The following MAP4K4 variants were observed in gnomAD, a reference collection of about 807,000 sequenced individuals.
MAP4K4 encodes the protein mitogen-activated protein kinase kinase kinase kinase 4, also known as HPK/GCK-like kinase HGK.
MAP4K4 carries 38 observed loss-of-function variants against 189.6 expected under a neutral mutation model. The observed-to-expected ratio is 0.20, with a 90% confidence interval of 0.15 to 0.26. MAP4K4 has a LOEUF of 0.26. Among genes scored for constraint, MAP4K4 ranks in the 10% least tolerant of loss-of-function variants. The pLI, the probability that MAP4K4 is intolerant of heterozygous loss-of-function variation, is 1.00. For synonymous variants in MAP4K4, 610 were observed against 624.3 expected (o/e 0.98, Z 0.34); for missense variants, 1,054 against 1,726.9 (o/e 0.61, Z 6.91).
chr2:101,712,903 CTT>C (rs34317575), intron 2 of MAP4K4, among the ~76,000 whole-genome samples: 405 of 130,464 alleles, frequency 3.1e-3, no homozygotes, highest in Middle Eastern at 4.4e-3. Context: ...AAACCAAAAT[CTT>C]TTTTTTTTTT....
chr2:101,780,256 T>C (rs1326362940), intron 2 of MAP4K4, among the ~76,000 whole-genome samples: 2 of 152,334 alleles, frequency 1.3e-5, no homozygotes, highest in Admixed American at 6.5e-5. Context: ...TCTGAATCCC[T>C]TTCATCCCTT....
intron 3 of MAP4K4, among the ~76,000 whole-genome samples, chr2:101,819,303 A>T (rs566388404): frequency 6.8e-4 from 104 of 152,354 alleles, no homozygotes; most frequent in African/African-American, 2.4e-3. Context: ...GAAACTCAGA[A>T]GTTGATTCAT....
At chr2:101,735,721 G>T (rs1232992419) in intron 2 of MAP4K4, among the ~76,000 whole-genome samples, 3 of 152,172 alleles carry the variant, frequency 2.0e-5, no homozygotes. Context: ...TAGTAGGGTG[G>T]GTCCCATGGA....
intron 2 of MAP4K4, among the ~76,000 whole-genome samples, chr2:101,713,950 T>C (rs1305082900): frequency 6.6e-6 from 1 of 152,088 alleles, no homozygotes; most frequent in Non-Finnish European, 1.5e-5. Flanking sequence ...AACAAATACC[T>C]AGGGGGTTTT....
chr2:101,810,870 A>G (rs2095376905), intron 3 of MAP4K4, among the ~76,000 whole-genome samples: 1 of 152,152 alleles, frequency 6.6e-6, no homozygotes, highest in South Asian at 2.1e-4. Context: ...TTTTTGTCCA[A>G]GGCTTACTAT....
At chr2:101,769,657 C>T (rs1468679851) in intron 2 of MAP4K4, among the ~76,000 whole-genome samples, 2 of 151,686 alleles carry the variant, frequency 1.3e-5, no homozygotes, top group African/African-American at 2.4e-5. Context: ...GATCTTGGCT[C>T]ACTGCAACCT....
intron 2 of MAP4K4, 29 bp downstream of exon 2, chr2:101,698,567 G>A: frequency 6.2e-7 from 1 of 1,603,444 alleles, no homozygotes; most frequent in East Asian, 2.2e-5. Context: ...TTTGTTTCCC[G>A]TGGCATGTGG....
intron 3 of MAP4K4, among the ~76,000 whole-genome samples, chr2:101,802,200 C>T (rs2094435933): frequency 6.6e-6 from 1 of 152,188 alleles, no homozygotes; most frequent in Non-Finnish European, 1.5e-5. Context: ...AGCCTCTGTG[C>T]TGCCACCCTT....
chr2:101,868,031 C>T (rs756183918), exon 21 of MAP4K4: 31 of 1,612,714 alleles, frequency 1.9e-5, no homozygotes, highest in African/African-American at 8.0e-5. Flanking sequence ...TACTGAAGGG[C>T]GAAGTGGTAA....
intron 2 of MAP4K4, among the ~76,000 whole-genome samples, chr2:101,703,197 C>A (rs144478297): frequency 1.3e-5 from 2 of 151,824 alleles, no homozygotes; most frequent in African/African-American, 4.8e-5. Context: ...AAGGCCGAGG[C>A]GGGATAGTGG....
At chr2:101,714,879 A>C (rs965510837) in intron 2 of MAP4K4, among the ~76,000 whole-genome samples, 1 of 152,184 alleles carries the variant, frequency 6.6e-6, no homozygotes, top group South Asian at 2.1e-4. Context: ...TCTCATAGTT[A>C]AAAAAACCAG....
chr2:101,757,323 A>G (rs1288117042), intron 2 of MAP4K4, among the ~76,000 whole-genome samples: 1 of 152,242 alleles, frequency 6.6e-6, no homozygotes, highest in Non-Finnish European at 1.5e-5. Context: ...AGCATATATA[A>G]TCTGTATTTC....
At chr2:101,876,889 G>A in intron 26 of MAP4K4, 114 bp from the exon 27 acceptor site, 1 of 1,015,008 alleles carries the variant, frequency 9.9e-7, no homozygotes, top group South Asian at 1.6e-5. Flanking sequence ...CTGCTTCTGG[G>A]TGAATTAAGG....
chr2:101,773,017 T>C (rs1451726891), intron 2 of MAP4K4, among the ~76,000 whole-genome samples: 1 of 152,158 alleles, frequency 6.6e-6, no homozygotes, highest in Non-Finnish European at 1.5e-5. Flanking sequence ...CATCTTCACA[T>C]TGGTGTAGGG....
chr2:101,848,953 G>A (rs1296734701), intron 12 of MAP4K4, among the ~76,000 whole-genome samples: 1 of 152,126 alleles, frequency 6.6e-6, no homozygotes, highest in East Asian at 1.9e-4. Context: ...AGCTCATGCA[G>A]CCGAGTTCGT....
chr2:101,811,038 A>C (rs767006073), intron 3 of MAP4K4, among the ~76,000 whole-genome samples: 3 of 152,092 alleles, frequency 2.0e-5, no homozygotes, highest in Non-Finnish European at 2.9e-5. Context: ...CTTTTAACAG[A>C]CTTATTTTAT....
chr2:101,877,580 A>G (rs1393506418), intron 27 of MAP4K4, among the ~76,000 whole-genome samples: 2 of 151,426 alleles, frequency 1.3e-5, no homozygotes, highest in East Asian at 1.9e-4. Context: ...GGTTCAAGCA[A>G]TTCTCCTGCC....
chr2:101,756,248 A>G (rs961090652), intron 2 of MAP4K4, among the ~76,000 whole-genome samples: 29 of 151,996 alleles, frequency 1.9e-4, no homozygotes, highest in Admixed American at 1.5e-3. Context: ...CCCGGCTGAC[A>G]CCTTGATCTT....
chr2:101,736,585 T>G lies in MAP4K4; in HGVS notation c.123+38047T>G, dbSNP rs576310088. 3.3e-4 allele frequency among the ~76,000 whole-genome samples: 51 copies of G among 152,360 alleles called. 2 individuals carry two copies. In the South Asian group the frequency reaches 0.01, roughly 31 times the overall value. On this transcript the variant is annotated intron_variant, in intron 2 of 32. Transcript: ENST00000324219. ...GGCATGTAGCTGATCCTTATGTGTTTTGAGTATAATAACTCGTTCTATTGC... is the reference window on the plus strand; with the variant it reads ...GGCATGTAGCTGATCCTTATGTGTTGTGAGTATAATAACTCGTTCTATTGC...
Sources: allele counts gnomAD v4.1 joint callset (sites outside exome capture counted in the v4.1 genomes callset), GRCh38; gene constraint gnomAD v4.1.1; transcripts MANE v1.5; gene names NCBI Gene and HGNC (gene_info 2026-07-23, HGNC 2026-07-21).